CDH12: variants seen among roughly 807,000 people sequenced by gnomAD.
The protein encoded by CDH12 is cadherin 12, also known as cadherin-12.
A neutral mutation model predicts 74.1 loss-of-function variants in CDH12; 41 were observed. The observed-to-expected ratio is 0.55, with a 90% confidence interval of 0.43 to 0.72. The LOEUF (loss-of-function observed/expected upper bound fraction) is 0.72. Ranked by LOEUF, CDH12 falls within the 30% of genes least tolerant of loss-of-function variation. The pLI, the probability that CDH12 is intolerant of heterozygous loss-of-function variation, is 0.00. For missense variants in CDH12, 945 were observed against 977.2 expected (o/e 0.97, Z 0.44); for synonymous variants, 399 against 355.0 (o/e 1.12, Z -1.39).
chr5:22,184,231 C>T (rs1480634103), intron 4 of CDH12, among the ~76,000 whole-genome samples: 1 of 151,944 alleles, frequency 6.6e-6, no homozygotes, highest in African/African-American at 2.4e-5. Context: ...TAACACATGC[C>T]TAAGAGATAA....
At chr5:22,729,792 G>T (rs1744341297) in intron 1 of CDH12, among the ~76,000 whole-genome samples, 2 of 151,832 alleles carry the variant, frequency 1.3e-5, no homozygotes, top group South Asian at 4.1e-4. Flanking sequence ...CTATGTGATT[G>T]GCTAAATTCA....
intron 1 of CDH12, among the ~76,000 whole-genome samples, chr5:22,607,637 G>A (rs1222202852): frequency 6.6e-6 from 1 of 152,214 alleles, no homozygotes; most frequent in Non-Finnish European, 1.5e-5. Context: ...TTCAAGTTGA[G>A]ATTTGGTGGG....
rs545612859 is a variant in CDH12, at chr5:21,750,881, C to G, written c.*856G>C. The G allele has an allele frequency of 6.6e-6, 1 of 152,020 alleles. No homozygotes were observed. Among genetic ancestry groups the G allele is most frequent in the East Asian group, 1.9e-4 (1 of 5,174 alleles). 9.4% of individuals were successfully genotyped at this position (152,020 alleles called of 1,614,324 possible). The stretch of plus-strand genomic sequence containing the variant: ...CACACCAGTACAATATTAAGCAAAA[C>G]CAATATTTATTTTAATGTGTAATTT... On this transcript the variant is annotated 3_prime_UTR_variant, in exon 15 of 15. Coordinates refer to ENST00000382254, the MANE Select transcript of CDH12 (RefSeq NM_004061.5).
At chr5:21,809,109 T>G (rs1006146519) in intron 9 of CDH12, among the ~76,000 whole-genome samples, 1 of 152,090 alleles carries the variant, frequency 6.6e-6, no homozygotes, top group African/African-American at 2.4e-5. Flanking sequence ...ATGCACTTAA[T>G]TTTTCTGTGG....
At chr5:22,777,116 G>A (rs1747142746) in intron 1 of CDH12, among the ~76,000 whole-genome samples, 1 of 152,106 alleles carries the variant, frequency 6.6e-6, no homozygotes, top group Admixed American at 6.6e-5. Context: ...TTAGGTGCTA[G>A]ATAGCTATGA....
chr5:22,125,767 C>A (rs1023360086), intron 4 of CDH12, among the ~76,000 whole-genome samples: 9 of 152,136 alleles, frequency 5.9e-5, no homozygotes, highest in African/African-American at 2.2e-4. Flanking sequence ...CTGTCTCCAC[C>A]CTCAGTTTAA....
intron 3 of CDH12, among the ~76,000 whole-genome samples, chr5:22,333,064 C>T (rs913174768): frequency 7.9e-5 from 12 of 152,092 alleles, no homozygotes; most frequent in African/African-American, 2.9e-4. Context: ...ATGGAACCCA[C>T]CCAAATGCTC....
intron 3 of CDH12, among the ~76,000 whole-genome samples, chr5:22,276,433 CAT>C (rs1473306601): frequency 6.6e-6 from 1 of 152,182 alleles, no homozygotes; most frequent in African/African-American, 2.4e-5. Context: ...TTATGTAATA[CAT>C]GAGTTGCCGT....
chr5:22,011,242 G>A (rs1737277428), intron 5 of CDH12, among the ~76,000 whole-genome samples: 1 of 152,078 alleles, frequency 6.6e-6, no homozygotes, highest in Non-Finnish European at 1.5e-5. Context: ...CCTGCATAGA[G>A]TATTAATTAA....
intron 1 of CDH12, among the ~76,000 whole-genome samples, chr5:22,629,315 C>A (rs949412462): frequency 1.3e-5 from 2 of 151,488 alleles, no homozygotes; most frequent in Non-Finnish European, 3.0e-5. Context: ...CAAACACACA[C>A]AAAAACTGCA....
intron 3 of CDH12, among the ~76,000 whole-genome samples, chr5:22,240,353 T>C (rs1477858441): frequency 6.6e-6 from 1 of 152,128 alleles, no homozygotes; most frequent in Admixed American, 6.6e-5. Flanking sequence ...TCCTTATGTT[T>C]TAATATGAGT....
intron 3 of CDH12, among the ~76,000 whole-genome samples, chr5:22,338,575 T>G (rs921185415): frequency 2.0e-5 from 3 of 152,124 alleles, no homozygotes; most frequent in African/African-American, 7.2e-5. Context: ...AACTAAAAGT[T>G]TTTTTGTAAC....
At chr5:21,877,496 A>C (rs1271475659) in intron 6 of CDH12, among the ~76,000 whole-genome samples, 2 of 152,202 alleles carry the variant, frequency 1.3e-5, no homozygotes, top group Non-Finnish European at 2.9e-5. Context: ...CTATTGTGTA[A>C]GTTAATAAAG....
chr5:22,023,817 G>A (rs113061123), intron 5 of CDH12, among the ~76,000 whole-genome samples: 30 of 152,172 alleles, frequency 2.0e-4, no homozygotes, highest in African/African-American at 7.0e-4. Context: ...ATGTGTTTAG[G>A]GCTTTCTAGA....
intron 5 of CDH12, among the ~76,000 whole-genome samples, chr5:22,030,960 C>A (rs1482772689): frequency 6.6e-6 from 1 of 152,160 alleles, no homozygotes; most frequent in Non-Finnish European, 1.5e-5. Context: ...CAGACTTTTT[C>A]TCTGCAGCTT....
At chr5:21,845,898 A>G (rs139308083) in intron 7 of CDH12, among the ~76,000 whole-genome samples, 3,052 of 152,238 alleles carry the variant, frequency 0.02, 46 homozygotes, top group Non-Finnish European at 0.032. Context: ...TCCAGCAAAG[A>G]GCAGACTGAA....
At chr5:22,456,310 C>T (rs1305887191) in intron 2 of CDH12, among the ~76,000 whole-genome samples, 1 of 151,090 alleles carries the variant, frequency 6.6e-6, no homozygotes, top group Non-Finnish European at 1.5e-5. Flanking sequence ...TAACAATAAC[C>T]TCGCAGAATT....
chr5:21,835,572 G>T (rs553937552), intron 8 of CDH12, among the ~76,000 whole-genome samples: 1 of 151,772 alleles, frequency 6.6e-6, no homozygotes, highest in South Asian at 2.1e-4. Flanking sequence ...TTATTATATG[G>T]TTTTATCAAG....
chr5:22,434,538 T>C (rs536952390), intron 2 of CDH12, among the ~76,000 whole-genome samples: 3 of 152,282 alleles, frequency 2.0e-5, no homozygotes, highest in African/African-American at 4.8e-5. Flanking sequence ...ATGATTTTCA[T>C]ACCTCTATTT....
Sources: gnomAD v4.1 joint callset for allele counts (sites outside exome capture counted in the v4.1 genomes callset) on GRCh38, gnomAD v4.1.1 for gene constraint, MANE v1.5 for transcripts, NCBI Gene and HGNC (gene_info 2026-07-23, HGNC 2026-07-21) for gene names.